RMDN1: variants seen among roughly 807,000 people sequenced by gnomAD.
The protein encoded by RMDN1 is regulator of microtubule dynamics 1, also known as regulator of microtubule dynamics protein 1.
In RMDN1, 48 loss-of-function variants were observed where a neutral mutation model predicts 48.9. The ratio of observed to expected loss-of-function variants is 0.98; its 90% CI spans 0.78 to 1.25. The LOEUF (loss-of-function observed/expected upper bound fraction) is 1.25, where lower values mean the gene tolerates loss of function less well. Among genes scored for constraint, RMDN1 ranks in the 50% most tolerant of loss-of-function variants. The probability of loss-of-function intolerance (pLI) is 0.00; values close to 1 mark genes in which losing one functional copy is unlikely to be tolerated. For synonymous variants in RMDN1, 148 were observed against 132.6 expected (o/e 1.12, Z -0.80); for missense variants, 418 against 373.4 (o/e 1.12, Z -0.98).
At chr8:86,489,965 T>C (rs189398099) in intron 2 of RMDN1, among the ~76,000 whole-genome samples, 1 of 152,186 alleles carries the variant, frequency 6.6e-6, no homozygotes, top group East Asian at 1.9e-4. Context: ...GTTAAGAAAT[T>C]AAATGACAAT....
chr8:86,482,992 A>G (rs1361381348), intron 5 of RMDN1: 3 of 678,552 alleles, frequency 4.4e-6, no homozygotes, highest in Non-Finnish European at 7.9e-6. Context: ...CCCCTCGATG[A>G]GCAGTGGCAT....
downstream of RMDN1, chr8:86,470,307 G>A (rs533406334): frequency 7.0e-6 from 9 of 1,289,288 alleles, no homozygotes; most frequent in South Asian, 8.6e-5. Context: ...GGGGCTGCAC[G>A]GGAAGGAGAA....
chr8:86,493,164 A>C (rs563441862), intron 2 of RMDN1, among the ~76,000 whole-genome samples: 1 of 152,338 alleles, frequency 6.6e-6, no homozygotes, highest in East Asian at 1.9e-4. Flanking sequence ...TATGGTCTGT[A>C]GTCTCACAAG....
chr8:86,469,182 C>CACG, downstream of RMDN1, among the ~76,000 whole-genome samples: 1 of 135,384 alleles, frequency 7.4e-6, no homozygotes, highest in East Asian at 2.8e-4. Flanking sequence ...GTTTGTTTGT[C>CACG]CCGCCCCCCC....
chr8:86,482,941 C>T (rs981081992), intron 5 of RMDN1: 9 of 813,928 alleles, frequency 1.1e-5, no homozygotes, highest in Non-Finnish European at 1.7e-5. Flanking sequence ...CAGGTGGGCT[C>T]GGACGAGGTC....
intron 1 of RMDN1, among the ~76,000 whole-genome samples, chr8:86,513,854 CTTT>C (rs377128309): frequency 3.5e-5 from 5 of 143,498 alleles, no homozygotes; most frequent in Admixed American, 6.9e-5. Context: ...GTCTTGGTAA[CTTT>C]TTTTTTTTTT....
At chr8:86,470,306 C>T (rs989605670), downstream of RMDN1, 62 of 1,289,092 alleles carry the variant, frequency 4.8e-5, no homozygotes, top group Middle Eastern at 2.1e-4. Context: ...GGGGGCTGCA[C>T]GGGAAGGAGA....
chr8:86,492,178 G>A (rs1485161592), intron 2 of RMDN1, among the ~76,000 whole-genome samples: 1 of 152,036 alleles, frequency 6.6e-6, no homozygotes, highest in Non-Finnish European at 1.5e-5. Context: ...TTTAATGACT[G>A]TGACAAAAAC....
intron 7 of RMDN1, 191 bp from the exon 8 acceptor site, chr8:86,477,515 T>G: frequency 2.0e-6 from 1 of 496,998 alleles, no homozygotes; most frequent in Non-Finnish European, 3.6e-6. Context: ...TCATCAAGAT[T>G]ACAATATATG....
chr8:86,502,755 G>A (rs537566502), intron 2 of RMDN1, among the ~76,000 whole-genome samples: 96 of 152,170 alleles, frequency 6.3e-4, no homozygotes, highest in South Asian at 3.1e-3. Flanking sequence ...ATAAAGCAGG[G>A]ATTAGCAAAC....
At chr8:86,492,681 AT>A (rs1816709420) in intron 2 of RMDN1, among the ~76,000 whole-genome samples, 2 of 150,088 alleles carry the variant, frequency 1.3e-5, no homozygotes, top group African/African-American at 4.9e-5. Context: ...AATAATAATA[AT>A]AATAATAAAG....
intron 2 of RMDN1, among the ~76,000 whole-genome samples, chr8:86,492,148 A>G (rs2130956079): frequency 6.6e-6 from 1 of 152,292 alleles, no homozygotes; most frequent in East Asian, 1.9e-4. Flanking sequence ...ATGAAAACAC[A>G]AGTGAAGTGA....
chr8:86,501,078 A>G (rs2131181526), intron 2 of RMDN1, among the ~76,000 whole-genome samples: 1 of 152,290 alleles, frequency 6.6e-6, no homozygotes, highest in South Asian at 2.1e-4. Flanking sequence ...GCGAGTGTCA[A>G]AAAGCTACCT....
At chr8:86,508,700 C>A, upstream of RMDN1, 1 of 1,415,248 alleles carries the variant, frequency 7.1e-7, no homozygotes, top group Admixed American at 3.1e-5. Context: ...TTCAATCCTT[C>A]CGGAAAGAAC....
At chr8:86,471,042 A>G (rs952000857), downstream of RMDN1, among the ~76,000 whole-genome samples, 1 of 152,142 alleles carries the variant, frequency 6.6e-6, no homozygotes, top group Non-Finnish European at 1.5e-5. Context: ...ATTTAAATAT[A>G]AGGTCTGTGG....
chr8:86,504,768 C>G, intron 2 of RMDN1: 1 of 1,043,460 alleles, frequency 9.6e-7, no homozygotes, highest in Non-Finnish European at 1.5e-6. Flanking sequence ...CCAGGGCCCC[C>G]GCCCAGCTGC....
chr8:86,476,084 T>C (rs1256801772), intron 8 of RMDN1, among the ~76,000 whole-genome samples: 1 of 152,042 alleles, frequency 6.6e-6, no homozygotes, highest in African/African-American at 2.4e-5. Flanking sequence ...CAGAAAGAAA[T>C]AAGGTAAGGT....
Position 86,477,303 on chromosome 8 carries a change from C to T in RMDN1, c.751G>A (p.Ala251Thr). Residue 251 changes from alanine to threonine, a missense_variant, in exon 8 of 10, where the codon GCA becomes ACA. Coordinates refer to ENST00000406452, the MANE Select transcript of RMDN1 (RefSeq NM_016033.3). ...YEKALGYFHR[A>T]EQVDPNFYSK... ...ATCAAAAATACCTTACCTTGTTCTG[C>T]CCTGTGAAAGTAGCCTAAGGCCTGT... The T allele has an allele frequency of 1.2e-6, 2 of 1,601,984 alleles. No individual in the cohort carries two copies. The highest frequency in any genetic ancestry group is 1.1e-5 in the South Asian group (1 of 88,696).
intron 2 of RMDN1, among the ~76,000 whole-genome samples, chr8:86,496,435 A>C (rs1337242842): frequency 6.6e-6 from 1 of 152,220 alleles, no homozygotes; most frequent in Admixed American, 6.5e-5. Flanking sequence ...ACAGGCTCAA[A>C]GAAAAGGAAT....
Sources: allele counts gnomAD v4.1 joint callset (sites outside exome capture counted in the v4.1 genomes callset), GRCh38; gene constraint gnomAD v4.1.1; transcripts MANE v1.5; gene names NCBI Gene and HGNC (gene_info 2026-07-23, HGNC 2026-07-21).